Variants in THSD4 observed in about 807,000 individuals in gnomAD.
THSD4 encodes thrombospondin type-1 domain-containing protein 4.
In THSD4, 69 loss-of-function variants were observed where a neutral mutation model predicts 119.0. The ratio of observed to expected loss-of-function variants is 0.58; its 90% CI spans 0.48 to 0.71. The LOEUF (loss-of-function observed/expected upper bound fraction) is 0.71. THSD4 is among the 30% of genes least tolerant of loss of function. The probability of loss-of-function intolerance (pLI) is 0.00; values close to 1 mark genes in which losing one functional copy is unlikely to be tolerated. For missense variants in THSD4, 1,393 were observed against 1,391.1 expected, an observed-to-expected ratio of 1.00 and a Z score of -0.02; for synonymous variants, 524 against 540.4, an observed-to-expected ratio of 0.97 and a Z score of 0.42.
At chr15:71,603,563 C>T (rs1438470358) in intron 7 of THSD4, among the ~76,000 whole-genome samples, 1 of 152,190 alleles carries the variant, frequency 6.6e-6, no homozygotes, top group African/African-American at 2.4e-5. Context: ...GAGAGCAAGA[C>T]CAAATCTGCA....
intron 7 of THSD4, among the ~76,000 whole-genome samples, chr15:71,635,235 G>A (rs567761284): frequency 1.4e-4 from 21 of 152,206 alleles, no homozygotes; most frequent in African/African-American, 5.1e-4. Context: ...AGAGATCTTC[G>A]AATCCCTGTG....
At chr15:71,104,699 AC>A (rs921126630) in intron 1 of THSD4, among the ~76,000 whole-genome samples, 2 of 152,168 alleles carry the variant, frequency 1.3e-5, no homozygotes, top group African/African-American at 4.8e-5. Flanking sequence ...GAAGGTATAC[AC>A]TGGTTCGGCC....
At chr15:71,152,316 G>A (rs905780677) in intron 2 of THSD4, among the ~76,000 whole-genome samples, 6 of 151,940 alleles carry the variant, frequency 3.9e-5, no homozygotes, top group Admixed American at 1.3e-4. Flanking sequence ...CAGCTACTGG[G>A]GAGGCTGAGG....
chr15:71,375,957 A>G (rs893728299), intron 6 of THSD4, among the ~76,000 whole-genome samples: 1 of 152,186 alleles, frequency 6.6e-6, no homozygotes, highest in Non-Finnish European at 1.5e-5. Context: ...ACTCTGTATT[A>G]TTTATCACTG....
Position 71,780,556 on chromosome 15 carries a change from T to C in THSD4, c.*3182T>C. The C allele has an allele frequency of 2.9e-6, 1 of 339,090 alleles. No individual in the cohort carries two copies. The highest frequency in any genetic ancestry group is 7.9e-5 in the East Asian group (1 of 12,668). The allele number at this position is 339,090 out of a possible 1,614,324, so 21.0% of individuals were successfully genotyped here. The stretch of plus-strand genomic sequence containing the variant: ...AACACCAAAAGAAAAAAAAAAGCCA[T>C]TTAAAGCCAGCCACTAGAGGGAGTC... On this transcript the variant is annotated 3_prime_UTR_variant, in exon 18 of 18. Coordinates refer to ENST00000261862, the MANE Select transcript of THSD4 (RefSeq NM_024817.3).
At chr15:71,447,120 T>A (rs202138091) in intron 7 of THSD4, among the ~76,000 whole-genome samples, 4 of 132,976 alleles carry the variant, frequency 3.0e-5, no homozygotes, top group African/African-American at 5.6e-5. Flanking sequence ...TTTTTTTTGT[T>A]TTTTTTTTTT....
At chr15:71,575,679 C>T (rs548068808) in intron 7 of THSD4, among the ~76,000 whole-genome samples, 1 of 152,290 alleles carries the variant, frequency 6.6e-6, no homozygotes, top group African/African-American at 2.4e-5. Flanking sequence ...GACCTTCCCT[C>T]ATTATTGTCT....
At chr15:71,166,954 A>G (rs1038469266) in intron 3 of THSD4, 1 of 152,238 alleles carries the variant, frequency 6.6e-6, no homozygotes, top group Non-Finnish European at 1.5e-5. Flanking sequence ...ATTACTTTAT[A>G]TAGAGAACAT....
chr15:71,506,417 G>A (rs561107975), intron 7 of THSD4, among the ~76,000 whole-genome samples: 2 of 152,280 alleles, frequency 1.3e-5, no homozygotes, highest in African/African-American at 2.4e-5. Context: ...GTCAAGAGGA[G>A]CTTGCCATCA....
chr15:71,526,753 A>G (rs1271825786), intron 7 of THSD4, among the ~76,000 whole-genome samples: 4 of 152,232 alleles, frequency 2.6e-5, no homozygotes, highest in Non-Finnish European at 5.9e-5. Context: ...TAGCAATGGC[A>G]CACAGGTATT....
chr15:71,366,135 G>A (rs1184737500), intron 6 of THSD4, among the ~76,000 whole-genome samples: 4 of 152,120 alleles, frequency 2.6e-5, no homozygotes, highest in East Asian at 1.9e-4. Flanking sequence ...GTGCAGTGGC[G>A]TGATCTCGGC....
chr15:71,702,014 A>G (rs2052299555), intron 8 of THSD4, among the ~76,000 whole-genome samples: 2 of 152,208 alleles, frequency 1.3e-5, no homozygotes, highest in African/African-American at 4.8e-5. Flanking sequence ...GTGTCTTTGG[A>G]CCAGATGCCC....
At chr15:71,489,448 G>T (rs908570570) in intron 7 of THSD4, among the ~76,000 whole-genome samples, 1 of 152,084 alleles carries the variant, frequency 6.6e-6, no homozygotes, top group Admixed American at 6.6e-5. Context: ...ACCCCCAGGA[G>T]CTATCCCCAG....
At chr15:71,646,408 C>G (rs2050969286) in intron 7 of THSD4, among the ~76,000 whole-genome samples, 1 of 152,116 alleles carries the variant, frequency 6.6e-6, no homozygotes, top group Non-Finnish European at 1.5e-5. Context: ...TGGAGAAATG[C>G]TTTTCATTTT....
Position 71,644,329 on chromosome 15 carries a change from A to G in THSD4, c.1153-16201A>G, listed in dbSNP as rs1227710019. Among the ~76,000 whole-genome samples, 10 of 152,280 alleles carry G rather than the reference A, an allele frequency of 6.6e-5. No individual in the cohort carries two copies. The East Asian group carries it at 1.7e-3, about 26-fold the overall frequency. On this transcript the variant is annotated intron_variant, in intron 7 of 17. Transcript: ENST00000261862. ...TGGTTAGGCCATTTTGTTCTTCTCT[A>G]TACTACAAATCTGTTACGAAATGAA...
At chr15:71,335,139 G>A (rs1279417746) in intron 6 of THSD4, among the ~76,000 whole-genome samples, 2 of 152,180 alleles carry the variant, frequency 1.3e-5, no homozygotes, top group Non-Finnish European at 2.9e-5. Flanking sequence ...GGTCATGTTA[G>A]CATCAGAATC....
intron 7 of THSD4, among the ~76,000 whole-genome samples, chr15:71,578,449 T>C (rs530930255): frequency 6.6e-6 from 1 of 152,276 alleles, no homozygotes; most frequent in Non-Finnish European, 1.5e-5. Flanking sequence ...TTTTTAATGG[T>C]TAAATTATAT....
upstream of THSD4, chr15:71,111,524 C>T: frequency 1.2e-6 from 1 of 819,778 alleles, no homozygotes; most frequent in Non-Finnish European, 1.9e-6. Context: ...AGCAAGTTGA[C>T]CAACTCTCAA....
upstream of THSD4, among the ~76,000 whole-genome samples, chr15:71,112,678 T>C (rs1204134595): frequency 6.6e-6 from 1 of 152,236 alleles, no homozygotes; most frequent in East Asian, 1.9e-4. Flanking sequence ...GACTGTGATC[T>C]GAAGCACATA....
Sources: gnomAD v4.1 joint callset for allele counts (sites outside exome capture counted in the v4.1 genomes callset) on GRCh38, gnomAD v4.1.1 for gene constraint, MANE v1.5 for transcripts, NCBI Gene and HGNC (gene_info 2026-07-23, HGNC 2026-07-21) for gene names.